TUB: variants seen among roughly 807,000 people sequenced by gnomAD.
TUB encodes the protein tubby protein homolog.
TUB carries 33 observed loss-of-function variants against 59.7 expected under a neutral mutation model. The ratio of observed to expected loss-of-function variants is 0.55; its 90% CI spans 0.42 to 0.74. The LOEUF is 0.74. TUB is among the 30% of genes least tolerant of loss of function. TUB has a pLI of 0.00. For missense variants in TUB, 659 were observed against 672.0 expected, an observed-to-expected ratio of 0.98 and a Z score of 0.21; for synonymous variants, 293 against 256.4, an observed-to-expected ratio of 1.14 and a Z score of -1.36.
upstream of TUB, chr11:8,038,485 G>A (rs942526782): frequency 3.4e-5 from 15 of 440,238 alleles, no homozygotes; most frequent in African/African-American, 1.7e-4. Flanking sequence ...ATGTGTCCTC[G>A]GTGGTTCCTC....
Position 8,104,295 on chromosome 11 carries a change from G to A in TUB, c.*2676G>A, listed in dbSNP as rs1284931849. On this transcript the variant is annotated 3_prime_UTR_variant, in exon 12 of 12. Coordinates refer to ENST00000299506, the MANE Select transcript of TUB (RefSeq NM_177972.3). ...GCAGCTTCTCTGTAACCGCTTCTGG[G>A]GCCACACCCCAAAACTCTACACCCT... The A allele has an allele frequency of 6.6e-6, 1 of 152,058 alleles. No homozygotes were observed. The highest frequency in any genetic ancestry group is 2.4e-5 in the African/African-American group (1 of 41,384). The allele number at this position is 152,058 out of a possible 1,614,324, so 9.4% of individuals were successfully genotyped here.
upstream of TUB, among the ~76,000 whole-genome samples, chr11:8,080,290 G>GCTC (rs1362453595): frequency 1.3e-5 from 2 of 152,236 alleles, no homozygotes; most frequent in Non-Finnish European, 2.9e-5. Flanking sequence ...CGGATCACCT[G>GCTC]CTCCACACGC....
At chr11:8,092,595 C>T (rs1359159827) in intron 3 of TUB, among the ~76,000 whole-genome samples, 3 of 152,100 alleles carry the variant, frequency 2.0e-5, no homozygotes, top group Non-Finnish European at 4.4e-5. Context: ...ATTGCTATTC[C>T]CTGACATTCC....
At chr11:8,049,578 TATAGATAG>T (rs1554923442) in intron 2 of TUB, among the ~76,000 whole-genome samples, 11 of 85,908 alleles carry the variant, frequency 1.3e-4, no homozygotes, top group Non-Finnish European at 2.9e-4. Flanking sequence ...TATATATATA[TATAGATAG>T]ATAGATAGAT....
At chr11:8,090,047 G>T in intron 2 of TUB, 22 bp from the exon 3 acceptor site, 1 of 1,574,360 alleles carries the variant, frequency 6.4e-7, no homozygotes, top group Non-Finnish European at 8.6e-7. Flanking sequence ...CAGTGGGTCA[G>T]CCAACCTCTG....
chr11:8,031,289 G>C (rs1447926844), intron 1 of TUB, among the ~76,000 whole-genome samples: 2 of 152,250 alleles, frequency 1.3e-5, no homozygotes, highest in African/African-American at 2.4e-5. Flanking sequence ...AGTGGAAGGA[G>C]GTCAGGTACA....
chr11:8,051,664 A>G (rs114759867), intron 2 of TUB, among the ~76,000 whole-genome samples: 361 of 152,300 alleles, frequency 2.4e-3, no homozygotes, highest in African/African-American at 7.8e-3. Context: ...CACTTCAATT[A>G]CAGTGTCTCT....
intron 10 of TUB, 100 bp downstream of exon 10, chr11:8,100,701 A>AC: frequency 2.1e-6 from 3 of 1,442,954 alleles, no homozygotes; most frequent in Non-Finnish European, 2.9e-6. Flanking sequence ...GTGGAGGGGT[A>AC]CCATGTGAGA....
At position 8,100,998 on chromosome 11, in the gene TUB, G is replaced by A. The variant is rs1040410003; in HGVS notation, c.1387+1G>A. The A allele has an allele frequency of 3.9e-5, 63 of 1,613,906 alleles. No individual in the cohort carries two copies. Among genetic ancestry groups the A allele is most frequent in the Non-Finnish European group, 4.8e-5 (57 of 1,179,974 alleles). ...TTCCAGATCATCCATGGCAATGACC[G>A]TGAGTGTTTCTGTCCCTACTCATTA... On this transcript the variant is annotated splice_donor_variant, in intron 11 of 11. Coordinates refer to ENST00000299506, the MANE Select transcript of TUB (RefSeq NM_177972.3). LOFTEE classifies it high-confidence loss of function.
At chr11:8,055,882 G>A (rs912302878) in intron 2 of TUB, among the ~76,000 whole-genome samples, 1 of 152,194 alleles carries the variant, frequency 6.6e-6, no homozygotes, top group Admixed American at 6.5e-5. Context: ...TTCGCTCAGG[G>A]CCCTGTGACT....
rs1944510406 is a variant in TUB at position 8,105,353 on chromosome 11, G to A, written c.*3734G>A. 1 of 152,196 alleles carries A rather than the reference G, an allele frequency of 6.6e-6. No individual in the cohort carries two copies. The highest frequency in any genetic ancestry group is 2.4e-5 in the African/African-American group (1 of 41,452). The allele number at this position is 152,196 out of a possible 1,614,324, so 9.4% of individuals were successfully genotyped here. A position where few individuals can be genotyped will look rare whatever the true frequency, so the allele number is the denominator to read the frequency against. ...CAGAGTTGGGACTCTATACTACCCTGGGCTCTGGTCTGTAGGTTTGTAGTA... is the reference window on the plus strand; with the variant it reads ...CAGAGTTGGGACTCTATACTACCCTAGGCTCTGGTCTGTAGGTTTGTAGTA... On this transcript the variant is annotated 3_prime_UTR_variant, in exon 12 of 12. Transcript: ENST00000299506.
chr11:8,097,764 C>T lies in TUB; in HGVS notation c.936C>T (p.Tyr312=). Residue 312 remains tyrosine (Y), a synonymous_variant, in exon 8 of 12, where the codon TAC becomes TAT. Transcript: ENST00000299506. ...RKRKKSKTSN[Y]LISVDPTDLS... ...GAAAGAAGAGTAAAACTTCCAATTACCTCATCTCTGTGGACCCAACAGACT... is the reference window on the plus strand; with the variant it reads ...GAAAGAAGAGTAAAACTTCCAATTATCTCATCTCTGTGGACCCAACAGACT... The T allele has an allele frequency of 6.2e-7, 1 of 1,614,154 alleles. No homozygotes were observed. The highest frequency in any genetic ancestry group is 8.5e-7 in the Non-Finnish European group (1 of 1,180,006).
intron 2 of TUB, among the ~76,000 whole-genome samples, chr11:8,056,582 A>G (rs1002677546): frequency 1.3e-5 from 2 of 152,072 alleles, no homozygotes; most frequent in African/African-American, 4.8e-5. Context: ...ACATGTGGGT[A>G]CAAAGCACAC....
intron 2 of TUB, among the ~76,000 whole-genome samples, chr11:8,073,811 C>T (rs1943398707): frequency 6.6e-6 from 1 of 152,236 alleles, no homozygotes. Flanking sequence ...GGGAACAGAA[C>T]CTTCCCCGGG....
At chr11:8,075,240 C>G (rs1310077519) in intron 2 of TUB, among the ~76,000 whole-genome samples, 1 of 152,174 alleles carries the variant, frequency 6.6e-6, no homozygotes, top group Non-Finnish European at 1.5e-5. Flanking sequence ...TTTCAATTTC[C>G]TTTGACTAGT....
intron 1 of TUB, among the ~76,000 whole-genome samples, chr11:8,026,529 C>CT (rs1942502621): frequency 1.3e-5 from 2 of 148,148 alleles, no homozygotes; most frequent in South Asian, 4.3e-4. Flanking sequence ...AAAAACCTTT[C>CT]TTTTTTCTGC....
intron 2 of TUB, 74 bp from the exon 3 acceptor site, chr11:8,089,995 T>C: frequency 6.7e-7 from 1 of 1,482,774 alleles, no homozygotes; most frequent in Non-Finnish European, 9.0e-7. Flanking sequence ...AGGTGGGCTG[T>C]GGACCCCCCG....
At chr11:8,087,973 C>T (rs949008826) in intron 1 of TUB, among the ~76,000 whole-genome samples, 3 of 152,206 alleles carry the variant, frequency 2.0e-5, no homozygotes, top group African/African-American at 7.2e-5. Context: ...CCTCAGGGAG[C>T]CCCAAATGCA....
chr11:8,022,621 G>A (rs1435048922), intron 1 of TUB, among the ~76,000 whole-genome samples: 1 of 152,202 alleles, frequency 6.6e-6, no homozygotes, highest in Admixed American at 6.5e-5. Context: ...CAGGCGCGGT[G>A]GCTCAGGCCT....
Sources: allele counts gnomAD v4.1 joint callset (sites outside exome capture counted in the v4.1 genomes callset), GRCh38; gene constraint gnomAD v4.1.1; transcripts MANE v1.5; gene names NCBI Gene and HGNC (gene_info 2026-07-23, HGNC 2026-07-21).